The following CEP85L variants were observed in gnomAD, a reference collection of about 807,000 sequenced individuals.
CEP85L encodes centrosomal protein of 85 kDa-like.
Under a neutral mutation model 100.3 loss-of-function variants are expected in CEP85L, and 60 were observed. That is an observed-to-expected ratio of 0.60 (90% confidence interval 0.49 to 0.74). The LOEUF (loss-of-function observed/expected upper bound fraction) is 0.74, where lower values mean the gene tolerates loss of function less well. Among genes scored for constraint, CEP85L ranks in the 30% least tolerant of loss-of-function variants. The probability of loss-of-function intolerance (pLI) is 0.00; values close to 1 mark genes in which losing one functional copy is unlikely to be tolerated. For synonymous variants in CEP85L, 319 were observed against 322.7 expected (o/e 0.99, Z 0.12); for missense variants, 973 against 936.2 (o/e 1.04, Z -0.51).
intron 2 of CEP85L, among the ~76,000 whole-genome samples, chr6:118,576,684 G>A (rs1414008345): frequency 6.6e-6 from 1 of 152,140 alleles, no homozygotes; most frequent in Non-Finnish European, 1.5e-5. Context: ...GCAATTGGGG[G>A]TTATGGTCTC....
intron 3 of CEP85L, among the ~76,000 whole-genome samples, chr6:118,534,853 C>T (rs1364365062): frequency 3.3e-5 from 5 of 151,834 alleles, no homozygotes; most frequent in African/African-American, 9.7e-5. Flanking sequence ...AACCCCACCT[C>T]TACTAAAAAT....
In CEP85L at chr6:118,464,703, A is replaced by ATTACATTACACATACATTAC. The variant is rs1216191019; in HGVS notation, c.*701_*702insGTAATGTATGTGTAATGTAA. On this transcript the variant is annotated 3_prime_UTR_variant, in exon 13 of 13. Transcript: ENST00000368491. ...TAACACATACATTACAATGCTAAGG[A>ATTACATTACACATACATTAC]AAAAGAGCATCACGTCAAAATTTCA... 14 of 152,130 alleles carry ATTACATTACACATACATTAC rather than the reference A, an allele frequency of 9.2e-5. No homozygotes were observed. Among genetic ancestry groups the ATTACATTACACATACATTAC allele is most frequent in the African/African-American group, 3.1e-4 (13 of 41,444 alleles). The allele number at this position is 152,130 out of a possible 1,614,324, so 9.4% of individuals were successfully genotyped here.
At chr6:118,559,617 T>C (rs1779107794) in intron 3 of CEP85L, 1 of 170,332 alleles carries the variant, frequency 5.9e-6, no homozygotes, top group Admixed American at 6.2e-5. Context: ...TTGTAGTAAC[T>C]ATCAGAATCT....
chr6:118,634,805 T>C (rs1164971758), intron 1 of CEP85L, among the ~76,000 whole-genome samples: 1 of 152,206 alleles, frequency 6.6e-6, no homozygotes, highest in Non-Finnish European at 1.5e-5. Context: ...GCAACCAGCC[T>C]AGTCTCACAA....
At chr6:118,483,685 A>C (rs1245778716) in intron 7 of CEP85L, 21 bp downstream of exon 7, 1 of 1,591,642 alleles carries the variant, frequency 6.3e-7, no homozygotes, top group Non-Finnish European at 8.5e-7. Flanking sequence ...ATTTAAAGAT[A>C]AGCATTTTAT....
intron 3 of CEP85L, among the ~76,000 whole-genome samples, chr6:118,539,696 T>C (rs1777797679): frequency 6.6e-6 from 1 of 152,118 alleles, no homozygotes; most frequent in Non-Finnish European, 1.5e-5. Flanking sequence ...TATCAACCCA[T>C]CACCTAGGTA....
At chr6:118,469,328 TCA>T in intron 11 of CEP85L, 25 bp from the exon 12 acceptor site, 2 of 1,561,250 alleles carry the variant, frequency 1.3e-6, no homozygotes, top group Non-Finnish European at 1.8e-6. Context: ...AAAACAAACA[TCA>T]GATTGTTAGA....
In CEP85L at chr6:118,566,008, TC is replaced by T. The variant is rs1779479503; in HGVS notation, c.540del (p.Asn181MetfsTer6). 1 of 1,614,090 alleles carries T rather than the reference TC, an allele frequency of 6.2e-7. No individual in the cohort carries two copies. Among genetic ancestry groups the T allele is most frequent in the Non-Finnish European group, 8.5e-7 (1 of 1,180,044 alleles). On this transcript the variant is annotated frameshift_variant, in exon 3 of 13. Transcript: ENST00000368491. LOFTEE classifies it high-confidence loss of function. Reference protein sequence around the residue: ...QGGTVCREESRNGLEKIGKAK... With the variant: ...QGGTVCREESXNGLEKIGKAK... ...GCCTTCCCTATCTTCTCCAAACCATTCCTTGACTCTTCTCTGCATACAGTGC... is the reference window on the plus strand; with the variant it reads ...GCCTTCCCTATCTTCTCCAAACCATTCTTGACTCTTCTCTGCATACAGTGC...
chr6:118,563,552 C>T (rs1184333579), intron 3 of CEP85L, among the ~76,000 whole-genome samples: 2 of 152,112 alleles, frequency 1.3e-5, no homozygotes, highest in East Asian at 3.8e-4. Context: ...CGGCCTGGTC[C>T]TTATTAAGGT....
intron 2 of CEP85L, among the ~76,000 whole-genome samples, chr6:118,592,162 C>T (rs1781224988): frequency 6.6e-6 from 1 of 152,148 alleles, no homozygotes; most frequent in Non-Finnish European, 1.5e-5. Flanking sequence ...TTATCCTACA[C>T]TATATCTCTC....
At chr6:118,552,383 A>G (rs1473895780) in intron 3 of CEP85L, among the ~76,000 whole-genome samples, 4 of 152,084 alleles carry the variant, frequency 2.6e-5, no homozygotes, top group African/African-American at 9.6e-5. Context: ...TCATTAAAGT[A>G]TCAATTGTCT....
rs979278288 is a variant in CEP85L at position 118,502,045 on chromosome 6, A to G, written c.1257+9253T>C. On this transcript the variant is annotated intron_variant, in intron 5 of 12. Coordinates refer to ENST00000368491, the MANE Select transcript of CEP85L (RefSeq NM_001042475.3). ...AAGAAGAAAACCAGATGGAACAAGA[A>G]GACTGGGACTTCCCCATCCTGTGGA... 73 of 832,712 alleles carry G rather than the reference A, an allele frequency of 8.8e-5. 1 individual carries two copies. The highest frequency in any genetic ancestry group is 1.6e-5 in the Non-Finnish European group (8 of 498,644). The allele number at this position is 832,712 out of a possible 1,614,324, so 51.6% of individuals were successfully genotyped here. A position where few individuals can be genotyped will look rare whatever the true frequency, so the allele number is the denominator to read the frequency against.
chr6:118,599,267 A>G (rs531026243), intron 2 of CEP85L, among the ~76,000 whole-genome samples: 1 of 152,330 alleles, frequency 6.6e-6, no homozygotes, highest in South Asian at 2.1e-4. Context: ...TGGTACCCAA[A>G]AGTAAGGAAG....
chr6:118,513,145 G>GA (rs1367177476), intron 4 of CEP85L, among the ~76,000 whole-genome samples: 4 of 151,634 alleles, frequency 2.6e-5, no homozygotes, highest in African/African-American at 9.7e-5. Flanking sequence ...AAACACTAGA[G>GA]AAAAAAGGAC....
chr6:118,708,035 T>G (rs529934198), intron 1 of CEP85L, among the ~76,000 whole-genome samples: 1 of 152,082 alleles, frequency 6.6e-6, no homozygotes, highest in African/African-American at 2.4e-5. Context: ...ATATATAGAC[T>G]TCAACCGACA....
At chr6:118,527,321 C>CTTACTGGAA (rs1777035041) in intron 3 of CEP85L, among the ~76,000 whole-genome samples, 1 of 152,008 alleles carries the variant, frequency 6.6e-6, no homozygotes, top group African/African-American at 2.4e-5. Flanking sequence ...TCTTAACAAA[C>CTTACTGGAA]GTGCTTTCCC....
chr6:118,607,306 T>C (rs909465186), intron 2 of CEP85L, among the ~76,000 whole-genome samples: 1 of 152,160 alleles, frequency 6.6e-6, no homozygotes, highest in African/African-American at 2.4e-5. Flanking sequence ...AAGTATTGCC[T>C]GTGGCAGGGT....
At chr6:118,708,607 T>G (rs1368227275) in intron 1 of CEP85L, among the ~76,000 whole-genome samples, 1 of 152,230 alleles carries the variant, frequency 6.6e-6, no homozygotes, top group Admixed American at 6.5e-5. Flanking sequence ...ATGCTGTTTT[T>G]CTCGTATACC....
intron 1 of CEP85L, among the ~76,000 whole-genome samples, chr6:118,668,134 G>C (rs1198067425): frequency 6.6e-6 from 1 of 152,160 alleles, no homozygotes; most frequent in Non-Finnish European, 1.5e-5. Context: ...TAGGAAGACA[G>C]AGCTCTAACC....
Sources: gnomAD v4.1 joint callset for allele counts (sites outside exome capture counted in the v4.1 genomes callset) on GRCh38, gnomAD v4.1.1 for gene constraint, MANE v1.5 for transcripts, NCBI Gene and HGNC (gene_info 2026-07-23, HGNC 2026-07-21) for gene names.